SARDH: variants seen among roughly 807,000 people sequenced by gnomAD.
The protein encoded by SARDH is sarcosine dehydrogenase, mitochondrial.
Under a neutral mutation model 109.1 loss-of-function variants are expected in SARDH, and 95 were observed. The observed-to-expected ratio is 0.87, with a 90% CI of 0.74 to 1.03. The LOEUF (loss-of-function observed/expected upper bound fraction) is 1.03. Ranked by LOEUF, SARDH falls within the 50% of genes least tolerant of loss-of-function variation. The pLI is 0.00. For missense variants in SARDH, 1,267 were observed against 1,287.8 expected (o/e 0.98, Z 0.25); for synonymous variants, 572 against 534.8 (o/e 1.07, Z -0.96).
chr9:133,695,936 G>A (rs537674775), intron 14 of SARDH, among the ~76,000 whole-genome samples: 7 of 152,314 alleles, frequency 4.6e-5, no homozygotes, highest in South Asian at 4.1e-4. Context: ...CAGGAGAGAC[G>A]TGGCTGAGGG....
At chr9:133,677,381 C>T (rs1027559699) in intron 17 of SARDH, among the ~76,000 whole-genome samples, 1 of 152,194 alleles carries the variant, frequency 6.6e-6, no homozygotes, top group African/African-American at 2.4e-5. Flanking sequence ...GATGCACCTT[C>T]AATCCTGGGC....
chr9:133,668,392 T>A (rs1308090729), intron 19 of SARDH, among the ~76,000 whole-genome samples: 2 of 57,784 alleles, frequency 3.5e-5, no homozygotes, highest in South Asian at 1.0e-3. Flanking sequence ...AGCCTCCCTC[T>A]CCCTCTCCCT....
At chr9:133,672,319 C>T (rs1830378826) in intron 17 of SARDH, among the ~76,000 whole-genome samples, 1 of 152,356 alleles carries the variant, frequency 6.6e-6, no homozygotes, top group African/African-American at 2.4e-5. Flanking sequence ...TTAATTACAC[C>T]TGCAAAGATC....
chr9:133,703,862 A>C (rs969027664), intron 12 of SARDH, among the ~76,000 whole-genome samples: 1 of 152,180 alleles, frequency 6.6e-6, no homozygotes, highest in African/African-American at 2.4e-5. Context: ...CCTCCCCAGC[A>C]GGGACATCCC....
At chr9:133,662,250 C>T (rs899232150), downstream of SARDH, among the ~76,000 whole-genome samples, 5 of 152,136 alleles carry the variant, frequency 3.3e-5, no homozygotes, top group African/African-American at 7.2e-5. The surrounding 1 kb of genome is among the most constrained non-coding windows in gnomAD (Gnocchi z 5.1). Flanking sequence ...GCTGCAGCCA[C>T]GAGAAACAAT....
chr9:133,737,420 T>A (rs1210510922), intron 1 of SARDH, among the ~76,000 whole-genome samples: 1 of 152,126 alleles, frequency 6.6e-6, no homozygotes, highest in Admixed American at 6.5e-5. Flanking sequence ...GCCTCCTGCA[T>A]GTGTCTGTAC....
At chr9:133,687,199 C>A (rs1266749436) in intron 16 of SARDH, among the ~76,000 whole-genome samples, 1 of 152,252 alleles carries the variant, frequency 6.6e-6, no homozygotes, top group Non-Finnish European at 1.5e-5. Context: ...CTAACCATGA[C>A]CACAGCGATG....
rs1243692342 is a variant in SARDH at position 133,712,360 on chromosome 9, A to G, written c.1328+259T>C. ...GTGGGGTGATGCCATCCCACTGATG[A>G]CTCCAGAGCTGTCCAGGGGCTCAGG... On this transcript the variant is annotated intron_variant, in intron 10 of 20. Transcript: ENST00000439388. This position sits in a 1 kb window ranked among gnomAD's most constrained non-coding sequence, Gnocchi z 4.1. Among the ~76,000 whole-genome samples the G allele has an allele frequency of 6.6e-6, 1 of 151,732 alleles. No homozygotes were observed. The highest frequency in any genetic ancestry group is 1.5e-5 in the Non-Finnish European group (1 of 67,932).
rs771167787 is a variant in SARDH at position 133,708,304 on chromosome 9, T to G, written c.1453A>C (p.Arg485=). 2 of 1,613,122 alleles carry G rather than the reference T, an allele frequency of 1.2e-6. No homozygotes were observed. Among genetic ancestry groups the G allele is most frequent in the Middle Eastern group, 3.3e-4 (2 of 6,058 alleles). Residue 485 remains arginine, a synonymous_variant, in exon 11 of 21, where the codon AGA becomes CGA. Transcript: ENST00000439388. ...GGCGTTACCTCGTGCAGCGGGTCTC[T>G]CCTCATGTTGCGCCCGGCCAGCGGC... ...DEPLAGRNMR[R]DPLHEELLGQ...
At position 133,692,950 on chromosome 9, in the gene SARDH, G is replaced by A. The variant is rs1195396704; in HGVS notation, c.1921+1308C>T. Reference sequence around the variant, plus strand: ...CATCTCCGCCACCAGCCTCCAGACCGCAGGGCTCACCTCACTACTCCCTGC... The same window carrying A: ...CATCTCCGCCACCAGCCTCCAGACCACAGGGCTCACCTCACTACTCCCTGC... On this transcript the variant is annotated intron_variant, in intron 15 of 20. Transcript: ENST00000439388. The surrounding 1 kb of genome is among the most constrained non-coding windows in gnomAD (Gnocchi z 5.0). Among the ~76,000 whole-genome samples, 2 of 151,982 alleles carry A rather than the reference G, an allele frequency of 1.3e-5. No homozygotes were observed. The highest frequency in any genetic ancestry group is 2.4e-5 in the African/African-American group (1 of 41,370).
intron 17 of SARDH, 21 bp from the exon 18 acceptor site, chr9:133,671,718 T>G (rs1452147982): frequency 1.3e-6 from 2 of 1,553,464 alleles, no homozygotes; most frequent in East Asian, 4.8e-5. Context: ...AGGTCATGGC[T>G]TAGATGTGGC....
chr9:133,698,954 A>C (rs569035100), intron 13 of SARDH, among the ~76,000 whole-genome samples: 5 of 152,380 alleles, frequency 3.3e-5, no homozygotes, highest in African/African-American at 9.6e-5. Flanking sequence ...CAATGCCATC[A>C]AGGAAGAGAG....
At chr9:133,664,543 T>C (rs1292701502) in intron 20 of SARDH, among the ~76,000 whole-genome samples, 1 of 151,372 alleles carries the variant, frequency 6.6e-6, no homozygotes, top group Non-Finnish European at 1.5e-5. Context: ...AGGAGGAGGG[T>C]GTCACCTCCA....
At chr9:133,716,982 C>T (rs1006281987) in intron 8 of SARDH, among the ~76,000 whole-genome samples, 1 of 152,184 alleles carries the variant, frequency 6.6e-6, no homozygotes, top group African/African-American at 2.4e-5. Context: ...GCCCGCTATT[C>T]CCATTTTACA....
chr9:133,732,394 CT>C, intron 3 of SARDH, 28 bp downstream of exon 3: 36 of 1,548,194 alleles, frequency 2.3e-5, no homozygotes, highest in Non-Finnish European at 2.7e-5. Flanking sequence ...CCAAGCCCCC[CT>C]CCTTGCCCCC....
chr9:133,671,474 G>T, intron 18 of SARDH, 61 bp downstream of exon 18: 1 of 1,482,254 alleles, frequency 6.7e-7, no homozygotes, highest in Non-Finnish European at 9.0e-7. Context: ...CAGGTGTCTC[G>T]AGCGTCACTG....
At chr9:133,664,644 C>G (rs129925) in intron 20 of SARDH, among the ~76,000 whole-genome samples, 4,508 of 152,300 alleles carry the variant, frequency 0.03, 111 homozygotes, top group South Asian at 0.11. Context: ...TCTTCCTTTA[C>G]AGCAATTAAA....
chr9:133,678,339 G>A (rs1830586332), intron 17 of SARDH, among the ~76,000 whole-genome samples: 1 of 152,176 alleles, frequency 6.6e-6, no homozygotes, highest in Non-Finnish European at 1.5e-5. Context: ...AAGGCCTCTG[G>A]TGCAGCCCAA....
At chr9:133,736,252 C>T (rs1039731723) in intron 1 of SARDH, among the ~76,000 whole-genome samples, 6 of 152,238 alleles carry the variant, frequency 3.9e-5, no homozygotes, top group South Asian at 2.1e-4. Context: ...AGCAGCCCCC[C>T]GCCTGGAATC....
Sources: gnomAD v4.1 joint callset for allele counts (sites outside exome capture counted in the v4.1 genomes callset) on GRCh38, gnomAD v4.1.1 for gene constraint, Gnocchi (gnomAD v3.1) non-coding constraint, MANE v1.5 for transcripts, NCBI Gene and HGNC (gene_info 2026-07-23, HGNC 2026-07-21) for gene names.